Variants in ZNF2 observed in about 807,000 individuals in gnomAD.
ZNF2 encodes the protein zinc finger protein 2, also known as zinc finger protein 2.2.
ZNF2 carries 12 observed loss-of-function variants against 21.9 expected under a neutral mutation model. The ratio of observed to expected loss-of-function variants is 0.55; its 90% CI spans 0.35 to 0.89. The LOEUF (loss-of-function observed/expected upper bound fraction) is 0.89, where lower values mean the gene tolerates loss of function less well. Ranked by LOEUF, ZNF2 falls within the 40% of genes least tolerant of loss-of-function variation. The pLI, the probability that ZNF2 is intolerant of heterozygous loss-of-function variation, is 0.01. For missense variants in ZNF2, 462 were observed against 544.2 expected (o/e 0.85, Z 1.50); for synonymous variants, 186 against 196.3 (o/e 0.95, Z 0.44).
At chr2:95,167,145 CAT>C (rs984144770) in intron 1 of ZNF2, among the ~76,000 whole-genome samples, 82 of 152,318 alleles carry the variant, frequency 5.4e-4, no homozygotes, top group African/African-American at 1.9e-3. Flanking sequence ...AGTGCAGTAT[CAT>C]AGCAGTTACA....
At position 95,176,171 on chromosome 2, in the gene ZNF2, C is replaced by G; in HGVS notation, c.-39-17C>G. Reference sequence around the variant, plus strand: ...TTCTCCTACCTTCTTTCTCACCCCCCACTTCTGCCTCATTAGGACTCTGCC... The same window carrying G: ...TTCTCCTACCTTCTTTCTCACCCCCGACTTCTGCCTCATTAGGACTCTGCC... On this transcript the variant is annotated splice_polypyrimidine_tract_variant and intron_variant, in intron 1 of 4. Coordinates refer to ENST00000614034, the MANE Select transcript of ZNF2 (RefSeq NM_021088.4). The G allele has an allele frequency of 3.7e-6, 6 of 1,609,728 alleles. No individual in the cohort carries two copies. The highest frequency in any genetic ancestry group is 2.2e-5 in the East Asian group (1 of 44,862).
At chr2:95,167,875 A>G (rs1377722029) in intron 1 of ZNF2, among the ~76,000 whole-genome samples, 2 of 151,866 alleles carry the variant, frequency 1.3e-5, no homozygotes, top group East Asian at 1.9e-4. Context: ...GTAGTTTTCA[A>G]GCATGCCATT....
intron 1 of ZNF2, among the ~76,000 whole-genome samples, chr2:95,166,693 A>G (rs1400228039): frequency 6.6e-6 from 1 of 152,208 alleles, no homozygotes. Flanking sequence ...ACTGCAAAAG[A>G]AGAGTCAAAA....
At chr2:95,180,697 A>G (rs1674608778) in intron 4 of ZNF2, among the ~76,000 whole-genome samples, 1 of 151,970 alleles carries the variant, frequency 6.6e-6, no homozygotes, top group Non-Finnish European at 1.5e-5. Context: ...TTTAGTAGAG[A>G]TGGGGTTTCG....
intron 3 of ZNF2, 122 bp downstream of exon 3, chr2:95,177,731 G>C: frequency 7.7e-7 from 1 of 1,295,156 alleles, no homozygotes; most frequent in Non-Finnish European, 1.0e-6. Flanking sequence ...GATAAAGTAA[G>C]AGTCGAAAGA....
chr2:95,182,195 C>G lies in ZNF2; in HGVS notation c.*89C>G. The G allele has an allele frequency of 4.1e-6, 6 of 1,478,564 alleles. No homozygotes were observed. The highest frequency in any genetic ancestry group is 4.5e-6 in the Non-Finnish European group (5 of 1,105,032). 91.6% of individuals were successfully genotyped at this position (1,478,564 alleles called of 1,614,324 possible). ...TTAAAGCTGCCATTTGCTCATTCTACCCACTCTGGCTGCCGTTGTCCTGTC... is the reference window on the plus strand; with the variant it reads ...TTAAAGCTGCCATTTGCTCATTCTAGCCACTCTGGCTGCCGTTGTCCTGTC... On this transcript the variant is annotated 3_prime_UTR_variant, in exon 5 of 5. Coordinates refer to ENST00000614034, the MANE Select transcript of ZNF2 (RefSeq NM_021088.4).
chr2:95,177,012 T>C (rs543931162), intron 2 of ZNF2, among the ~76,000 whole-genome samples: 4 of 152,356 alleles, frequency 2.6e-5, no homozygotes, highest in African/African-American at 7.2e-5. Flanking sequence ...TTTATAGTTA[T>C]ACTGTGATTA....
At position 95,176,173 on chromosome 2, in the gene ZNF2, C is replaced by T. The variant is rs1166829617; in HGVS notation, c.-39-15C>T. The T allele has an allele frequency of 6.2e-7, 1 of 1,612,036 alleles. No homozygotes were observed. The highest frequency in any genetic ancestry group is 8.5e-7 in the Non-Finnish European group (1 of 1,178,266). On this transcript the variant is annotated splice_polypyrimidine_tract_variant and intron_variant, in intron 1 of 4. Transcript: ENST00000614034. ...CTCCTACCTTCTTTCTCACCCCCCA[C>T]TTCTGCCTCATTAGGACTCTGCCCT...
rs534332248 is a variant in ZNF2 at position 95,169,613 on chromosome 2, G to A, written c.-40+3753G>A. 2.6e-5 allele frequency among the ~76,000 whole-genome samples: 4 copies of A among 152,248 alleles called. No individual in the cohort carries two copies. In the South Asian group the frequency reaches 8.3e-4, roughly 32 times the overall value. ...AAAAATACAAAAATTAGCCAGGCAT[G>A]GTGGCAGGCACCTATAATCCCAGCT... On this transcript the variant is annotated intron_variant, in intron 1 of 4. Coordinates refer to ENST00000614034, the MANE Select transcript of ZNF2 (RefSeq NM_021088.4).
chr2:95,180,803 C>T (rs1674612874), intron 4 of ZNF2, among the ~76,000 whole-genome samples: 1 of 152,192 alleles, frequency 6.6e-6, no homozygotes, highest in South Asian at 2.1e-4. Context: ...AGCCACCATG[C>T]CCAGCCACAC....
chr2:95,177,809 C>T (rs575095419), intron 3 of ZNF2, among the ~76,000 whole-genome samples, 200 bp downstream of exon 3: 12 of 152,326 alleles, frequency 7.9e-5, no homozygotes, highest in African/African-American at 2.9e-4. Flanking sequence ...CATGCCTCCC[C>T]AGCCATGGGC....
Position 95,181,459 on chromosome 2 carries a change from A to G in ZNF2, c.631A>G (p.Ser211Gly), listed in dbSNP as rs770515253. ...CTGCCGCGAGTGTGGGAAAGCCTTCAGCCACAGGAGCAGCCTCAGCAGACA... is the reference window on the plus strand; with the variant it reads ...CTGCCGCGAGTGTGGGAAAGCCTTCGGCCACAGGAGCAGCCTCAGCAGACA... The part of the protein sequence containing the change: ...YDCRECGKAF[S>G]HRSSLSRHLM... Residue 211 changes from serine (S) to glycine (G), a missense_variant, in exon 5 of 5, where the codon AGC becomes GGC. Physicochemically the swap from Ser to Gly is moderately conservative, Grantham distance 56 (BLOSUM62 0). Coordinates refer to ENST00000614034, the MANE Select transcript of ZNF2 (RefSeq NM_021088.4). The G allele has an allele frequency of 1.2e-6, 2 of 1,614,070 alleles. No homozygotes were observed. The highest frequency in any genetic ancestry group is 3.3e-5 in the Admixed American group (2 of 60,022).
chr2:95,172,136 C>T (rs1349073741), intron 1 of ZNF2, among the ~76,000 whole-genome samples: 1 of 152,218 alleles, frequency 6.6e-6, no homozygotes, highest in African/African-American at 2.4e-5. Context: ...TCATTGGAGA[C>T]TCAGAGCCCA....
rs1301361974 is a variant in ZNF2, at chr2:95,177,734, T to C, written c.160+125T>C. 2.4e-6 allele frequency: 3 copies of C among 1,264,458 alleles called. No individual in the cohort carries two copies. The African/African-American group carries it at 4.5e-5, about 19-fold the overall frequency. The allele number at this position is 1,264,458 out of a possible 1,614,324, so 78.3% of individuals were successfully genotyped here. On this transcript the variant is annotated intron_variant, in intron 3 of 4. Transcript: ENST00000614034. ...AGCCACCTGAGAGATAAAGTAAGAG[T>C]CGAAAGATGTGGCATCAGAGTACAG...
At position 95,182,043 on chromosome 2, in the gene ZNF2, T is replaced by C; in HGVS notation, c.1215T>C (p.Val405=). Residue 405 remains valine, a synonymous_variant, in exon 5 of 5, where the codon GTT becomes GTC. Coordinates refer to ENST00000614034, the MANE Select transcript of ZNF2 (RefSeq NM_021088.4). ...TTGAATGCACTGTGTGTGGGAAAGTTTTCAGTTCAAAATCTTCTGTTATTC... is the reference window on the plus strand; with the variant it reads ...TTGAATGCACTGTGTGTGGGAAAGTCTTCAGTTCAAAATCTTCTGTTATTC... The part of the protein sequence containing the change: ...KPFECTVCGK[V]FSSKSSVIQH... The C allele has an allele frequency of 6.2e-7, 1 of 1,613,616 alleles. No individual in the cohort carries two copies. Among genetic ancestry groups the C allele is most frequent in the Non-Finnish European group, 8.5e-7 (1 of 1,179,584 alleles).
chr2:95,166,782 A>G (rs1226992432), intron 1 of ZNF2, among the ~76,000 whole-genome samples: 1 of 152,344 alleles, frequency 6.6e-6, no homozygotes, highest in East Asian at 1.9e-4. Context: ...ACAATAAAAC[A>G]TCTGATACAA....
chr2:95,180,961 C>A, intron 4 of ZNF2, 142 bp from the exon 5 acceptor site: 1 of 996,786 alleles, frequency 1.0e-6, no homozygotes, highest in Non-Finnish European at 1.5e-6. Flanking sequence ...AGGTCTTAGT[C>A]CCTCCCTGCC....
intron 1 of ZNF2, among the ~76,000 whole-genome samples, 156 bp downstream of exon 1, chr2:95,166,016 G>A (rs779820637): frequency 1.3e-5 from 2 of 152,158 alleles, no homozygotes; most frequent in African/African-American, 4.8e-5. Flanking sequence ...CGGTGCGGAC[G>A]GAAAGTTGTG....
At chr2:95,180,038 C>T (rs1674583876) in intron 3 of ZNF2, 121 bp from the exon 4 acceptor site, 4 of 678,212 alleles carry the variant, frequency 5.9e-6, no homozygotes, top group Non-Finnish European at 7.9e-6. Flanking sequence ...GCCTGGGCGA[C>T]AGAGTGAGAT....
Sources: allele counts gnomAD v4.1 joint callset (sites outside exome capture counted in the v4.1 genomes callset), GRCh38; gene constraint gnomAD v4.1.1; transcripts MANE v1.5; gene names NCBI Gene and HGNC (gene_info 2026-07-23, HGNC 2026-07-21).